Variants in ZNF175 observed in about 807,000 individuals in gnomAD.
ZNF175 encodes the protein zinc finger protein 175, also known as zinc finger protein OTK18.
In ZNF175, 8 loss-of-function variants were observed where a neutral mutation model predicts 14.0. That is an observed-to-expected ratio of 0.57 (90% CI 0.34 to 1.03). ZNF175 has a LOEUF of 1.03. Among genes scored for constraint, ZNF175 ranks in the 50% least tolerant of loss-of-function variants. ZNF175 has a pLI of 0.03. For missense variants in ZNF175, 764 were observed against 849.5 expected (o/e 0.90, Z 1.25); for synonymous variants, 255 against 296.8 (o/e 0.86, Z 1.45).
intron 2 of ZNF175, among the ~76,000 whole-genome samples, chr19:51,580,526 T>C (rs1981960915): frequency 6.6e-6 from 1 of 152,234 alleles, no homozygotes; most frequent in South Asian, 2.1e-4. Context: ...AGTCCTTTCA[T>C]TAACCTAATA....
Position 51,587,776 on chromosome 19 carries a change from A to T in ZNF175, c.1445A>T (p.Lys482Ile). The T allele has an allele frequency of 6.2e-7, 1 of 1,614,194 alleles. No homozygotes were observed. Among genetic ancestry groups the T allele is most frequent in the Non-Finnish European group, 8.5e-7 (1 of 1,180,032 alleles). The change falls in exon 5 of 5, where the codon AAA (lysine) becomes ATA (isoleucine). Residue 482 changes from lysine (K) to isoleucine (I), a missense_variant. Physicochemically the swap from Lys to Ile is moderately radical, Grantham distance 102. Coordinates refer to ENST00000262259, the MANE Select transcript of ZNF175 (RefSeq NM_007147.4). ...CCTTATCAGTGCCACAACTGTGGGA[A>T]ATCCTTCATTTCCAAGTCACAGCTT... is the stretch of plus-strand genomic sequence containing the variant. ...EKPYQCHNCG[K>I]SFISKSQLDI...
chr19:51,579,217 C>T (rs1183840453), intron 2 of ZNF175, among the ~76,000 whole-genome samples: 4 of 139,776 alleles, frequency 2.9e-5, no homozygotes. Context: ...CATGCCAGTG[C>T]ACTCCAGCCT....
In ZNF175 at chr19:51,589,573, C is replaced by G. The variant is rs999319219; in HGVS notation, c.*1106C>G. 4.0e-5 allele frequency: 28 copies of G among 702,078 alleles called. No individual in the cohort carries two copies. The African/African-American group carries it at 4.2e-4, about 11-fold the overall frequency. The allele number at this position is 702,078 out of a possible 1,614,324, so 43.5% of individuals were successfully genotyped here. A position where few individuals can be genotyped will look rare whatever the true frequency, so the allele number is the denominator to read the frequency against. On this transcript the variant is annotated 3_prime_UTR_variant, in exon 5 of 5. Coordinates refer to ENST00000262259, the MANE Select transcript of ZNF175 (RefSeq NM_007147.4). ...GATTAGCTCAGCTTGCCCCCCCTTT[C>G]CATCTCCACCATCTATAGTGAGCCT...
chr19:51,575,596 A>C (rs1471154093), intron 2 of ZNF175, among the ~76,000 whole-genome samples: 1 of 152,216 alleles, frequency 6.6e-6, no homozygotes, highest in Non-Finnish European at 1.5e-5. Context: ...AAAGAGGATC[A>C]GATGGTTTTG....
intron 4 of ZNF175, among the ~76,000 whole-genome samples, chr19:51,585,296 G>C (rs1568576066): frequency 6.6e-6 from 1 of 152,182 alleles, no homozygotes; most frequent in Admixed American, 6.5e-5. Context: ...TAAGATTGTG[G>C]CTGCCAGAGA....
At chr19:51,577,720 G>A (rs1021839179) in intron 2 of ZNF175, among the ~76,000 whole-genome samples, 1 of 142,302 alleles carries the variant, frequency 7.0e-6, no homozygotes, top group Non-Finnish European at 1.5e-5. Context: ...CTGGAGTGCA[G>A]TGGCACGATC....
Position 51,587,279 on chromosome 19 carries a change from C to G in ZNF175, c.948C>G (p.Phe316Leu). Reference sequence around the variant, plus strand: ...AATGTGGCAAATGTGGAAAAGCCTTCATGCCACAACTAAAACTCAGTGTAT... The same window carrying G: ...AATGTGGCAAATGTGGAAAAGCCTTGATGCCACAACTAAAACTCAGTGTAT... ...LHECGKCGKA[F>L]MPQLKLSVYL... Residue 316 changes from phenylalanine to leucine, a missense_variant, in exon 5 of 5, where the codon TTC becomes TTG. Physicochemically the swap from Phe to Leu is conservative, Grantham distance 22. Coordinates refer to ENST00000262259, the MANE Select transcript of ZNF175 (RefSeq NM_007147.4). 5 of 1,614,188 alleles carry G rather than the reference C, an allele frequency of 3.1e-6. No individual in the cohort carries two copies. Among genetic ancestry groups the G allele is most frequent in the Non-Finnish European group, 3.4e-6 (4 of 1,180,032 alleles).
rs1982264816 is a variant in ZNF175 at position 51,588,882 on chromosome 19, C to T, written c.*415C>T. 2.5e-6 allele frequency: 1 copy of T among 400,530 alleles called. No individual in the cohort carries two copies. Among genetic ancestry groups the T allele is most frequent in the African/African-American group, 2.1e-5 (1 of 48,652 alleles). The allele number at this position is 400,530 out of a possible 1,614,324, so 24.8% of individuals were successfully genotyped here. ...AATATTTTTAAAGTGCCAACACAGT[C>T]ATGATAGGACAATATTTTATGTGTG... On this transcript the variant is annotated 3_prime_UTR_variant, in exon 5 of 5. Coordinates refer to ENST00000262259, the MANE Select transcript of ZNF175 (RefSeq NM_007147.4).
At chr19:51,577,655 TTC>T (rs889732268) in intron 2 of ZNF175, among the ~76,000 whole-genome samples, 1 of 147,580 alleles carries the variant, frequency 6.8e-6, no homozygotes, top group Non-Finnish European at 1.5e-5. Flanking sequence ...AAATACTCCT[TTC>T]TCTCTCTTTT....
intron 4 of ZNF175, among the ~76,000 whole-genome samples, chr19:51,583,300 G>A (rs917378547): frequency 6.6e-6 from 1 of 152,068 alleles, no homozygotes; most frequent in Non-Finnish European, 1.5e-5. Context: ...TTAGCTCCAC[G>A]GAGGACAGTT....
chr19:51,586,617 C>A lies in ZNF175; in HGVS notation c.296-10C>A, dbSNP rs1982170289. The A allele has an allele frequency of 6.4e-7, 1 of 1,572,534 alleles. No individual in the cohort carries two copies. Among genetic ancestry groups the A allele is most frequent in the South Asian group, 1.2e-5 (1 of 84,522 alleles). On this transcript the variant is annotated splice_polypyrimidine_tract_variant and intron_variant, in intron 4 of 4. Coordinates refer to ENST00000262259, the MANE Select transcript of ZNF175 (RefSeq NM_007147.4). ...ATTGTGTCTATTTCATCTTCTCTTT[C>A]TCCTTTTAGAAAGGGAGTTTGGGCT...
In ZNF175 at chr19:51,586,761, C is replaced by T. The variant is rs35625154; in HGVS notation, c.430C>T (p.Arg144Cys). Residue 144 changes from arginine to cysteine, a missense_variant, in exon 5 of 5, where the codon CGC (arginine) becomes TGC (cysteine). By Grantham distance (180) the Arg-to-Cys change is radical (BLOSUM62 -3). Coordinates refer to ENST00000262259, the MANE Select transcript of ZNF175 (RefSeq NM_007147.4). The stretch of plus-strand genomic sequence containing the variant: ...AGAAGAACTGAGGCTGGATGCTGAC[C>T]GCACAAAGAAAGATGAGCAAAATCA... ...ILEELRLDAD[R>C]TKKDEQNQIQ... The T allele has an allele frequency of 0.092, 147,786 of 1,613,990 alleles. 7,636 individuals are homozygous for T. The highest frequency in any genetic ancestry group is 0.15 in the Middle Eastern group (905 of 6,062).
At chr19:51,575,272 A>G (rs1256113250) in intron 2 of ZNF175, among the ~76,000 whole-genome samples, 1 of 133,400 alleles carries the variant, frequency 7.5e-6, no homozygotes, top group Non-Finnish European at 1.5e-5. Context: ...GCTGGAGTGC[A>G]GTGGCGCAAT....
At chr19:51,582,012 C>A in intron 4 of ZNF175, 130 bp downstream of exon 4, 1 of 798,630 alleles carries the variant, frequency 1.3e-6, no homozygotes, top group Non-Finnish European at 2.0e-6. Context: ...AGTTTCCCAT[C>A]AAACACTGTA....
rs938663684 is a variant in ZNF175, at chr19:51,589,776, G to A, written c.*1309G>A. On this transcript the variant is annotated 3_prime_UTR_variant, in exon 5 of 5. Transcript: ENST00000262259. Reference sequence around the variant, plus strand: ...GGGCTTCTTTTGTGCTGCACTGGCAGAATTGAGTAGTTTTGGCGGAGATCA... The same window carrying A: ...GGGCTTCTTTTGTGCTGCACTGGCAAAATTGAGTAGTTTTGGCGGAGATCA... 1 of 571,664 alleles carries A rather than the reference G, an allele frequency of 1.7e-6. No homozygotes were observed. The highest frequency in any genetic ancestry group is 2.3e-5 in the South Asian group (1 of 42,618). The allele number at this position is 571,664 out of a possible 1,614,324, so 35.4% of individuals were successfully genotyped here.
rs767029906 is a variant in ZNF175 at position 51,588,961 on chromosome 19, A to G, written c.*494A>G. On this transcript the variant is annotated 3_prime_UTR_variant, in exon 5 of 5. Transcript: ENST00000262259. ...ATATAATATATAAGCATATTATTAT[A>G]TACAGGTTGAGTATCCCTTCTCCAA... is the stretch of plus-strand genomic sequence containing the variant. The G allele has an allele frequency of 2.2e-5, 8 of 355,934 alleles. No individual in the cohort carries two copies. The highest frequency in any genetic ancestry group is 4.6e-5 in the Admixed American group (1 of 21,914). 22.0% of individuals were successfully genotyped at this position (355,934 alleles called of 1,614,324 possible). A position where few individuals can be genotyped will look rare whatever the true frequency, so the allele number is the denominator to read the frequency against.
At chr19:51,581,255 G>A (rs1174450552) in intron 2 of ZNF175, 136 bp from the exon 3 acceptor site, 2 of 1,160,540 alleles carry the variant, frequency 1.7e-6, no homozygotes, top group Non-Finnish European at 2.5e-6. Context: ...CCCTAAAAAT[G>A]TGAAATAGGT....
At chr19:51,582,781 C>T (rs762076670) in intron 4 of ZNF175, among the ~76,000 whole-genome samples, 1 of 151,202 alleles carries the variant, frequency 6.6e-6, no homozygotes. Context: ...ATTTTCTTTT[C>T]TTTGCTGGAT....
rs1433727732 is a variant in ZNF175 at position 51,586,852 on chromosome 19, A to C, written c.521A>C (p.Glu174Ala). 6.2e-7 allele frequency: 1 copy of C among 1,614,152 alleles called. No individual in the cohort carries two copies. The highest frequency in any genetic ancestry group is 1.7e-5 in the Admixed American group (1 of 60,012). ...KKTLNTESNC[E>A]YKDPGKMIRT... ...ACATTGAACACAGAAAGCAATTGTG[A>C]ATATAAGGACCCTGGGAAAATGATT... Residue 174 changes from glutamate (E) to alanine (A), a missense_variant, in exon 5 of 5, where the codon GAA becomes GCA. By Grantham distance (107) the Glu-to-Ala change is moderately radical. Transcript: ENST00000262259.
Sources: gnomAD v4.1 joint callset for allele counts (sites outside exome capture counted in the v4.1 genomes callset) on GRCh38, gnomAD v4.1.1 for gene constraint, MANE v1.5 for transcripts, NCBI Gene and HGNC (gene_info 2026-07-23, HGNC 2026-07-21) for gene names.